Variants in NOX4 observed in about 807,000 individuals in gnomAD.
NOX4 encodes the protein kidney oxidase-1.
Under a neutral mutation model 87.6 loss-of-function variants are expected in NOX4, and 69 were observed. That is an observed-to-expected ratio of 0.79 (90% CI 0.65 to 0.96). NOX4 has a LOEUF of 0.96. Ranked by LOEUF, NOX4 falls within the 40% of genes least tolerant of loss-of-function variation. The pLI, the probability that NOX4 is intolerant of heterozygous loss-of-function variation, is 0.00. For synonymous variants in NOX4, 275 were observed against 238.2 expected (o/e 1.15, Z -1.42); for missense variants, 680 against 681.5 (o/e 1.00, Z 0.02).
intron 2 of NOX4, among the ~76,000 whole-genome samples, chr11:89,454,512 A>G (rs1945102423): frequency 6.6e-6 from 1 of 152,120 alleles, no homozygotes; most frequent in South Asian, 2.1e-4. Flanking sequence ...GAACACCACT[A>G]CCTAAGACTA....
At chr11:89,365,982 C>T (rs1459630059) in intron 12 of NOX4, among the ~76,000 whole-genome samples, 1 of 151,942 alleles carries the variant, frequency 6.6e-6, no homozygotes, top group Non-Finnish European at 1.5e-5. Context: ...AAATGATTAG[C>T]AAGTGTATCA....
At chr11:89,356,605 C>A (rs1307089455) in intron 12 of NOX4, among the ~76,000 whole-genome samples, 1 of 152,104 alleles carries the variant, frequency 6.6e-6, no homozygotes, top group Admixed American at 6.6e-5. Context: ...TTCTCTCCTC[C>A]TGCCCAATTT....
chr11:89,560,961 CGT>C, the NOX4 span, among the ~76,000 whole-genome samples: 5,719 of 52,236 alleles, frequency 0.11, 611 homozygotes, highest in African/African-American at 0.13. Flanking sequence ...CATCTCATCT[CGT>C]CTCTCTCTCT....
At chr11:89,506,298 A>C in the NOX4 span, among the ~76,000 whole-genome samples, 1 of 10,916 alleles carries the variant, frequency 9.2e-5, no homozygotes, top group African/African-American at 2.7e-4. Context: ...AAAGAAAGAA[A>C]GAAAGAGAGA....
the NOX4 span, among the ~76,000 whole-genome samples, chr11:89,520,848 C>A: frequency 6.6e-6 from 1 of 152,166 alleles, no homozygotes; most frequent in Non-Finnish European, 1.5e-5. Flanking sequence ...AGTAAAGTTT[C>A]AGGATACAAA....
At chr11:89,383,956 CA>C (rs1406410050) in intron 11 of NOX4, among the ~76,000 whole-genome samples, 2 of 152,048 alleles carry the variant, frequency 1.3e-5, no homozygotes, top group Non-Finnish European at 2.9e-5. Flanking sequence ...ACCTTTAACC[CA>C]CTCAACACCA....
chr11:89,474,637 A>G (rs887713845), intron 2 of NOX4, among the ~76,000 whole-genome samples: 6 of 152,072 alleles, frequency 3.9e-5, no homozygotes, highest in African/African-American at 7.2e-5. Flanking sequence ...TAATATGCAC[A>G]TGTATATATG....
intron 12 of NOX4, among the ~76,000 whole-genome samples, chr11:89,356,290 A>G (rs1272162083): frequency 6.6e-6 from 1 of 152,134 alleles, no homozygotes; most frequent in Non-Finnish European, 1.5e-5. Flanking sequence ...TGAATAAATA[A>G]ATAAGTGAAT....
intron 2 of NOX4, among the ~76,000 whole-genome samples, chr11:89,483,654 AT>A (rs1946480718): frequency 7.1e-6 from 1 of 140,242 alleles, no homozygotes; most frequent in African/African-American, 3.0e-5. Flanking sequence ...AAAATTTCAG[AT>A]AGACAGGAAG....
chr11:89,344,839 G>A (rs1402248433), intron 13 of NOX4, among the ~76,000 whole-genome samples: 1 of 152,108 alleles, frequency 6.6e-6, no homozygotes, highest in Non-Finnish European at 1.5e-5. Flanking sequence ...TAACTCCAAA[G>A]CTTAGTTTGT....
intron 12 of NOX4, among the ~76,000 whole-genome samples, chr11:89,368,284 T>C (rs190853618): frequency 3.3e-5 from 5 of 152,258 alleles, no homozygotes; most frequent in South Asian, 2.1e-4. Context: ...AAATGTTTAA[T>C]AGCCAGGTCT....
intron 7 of NOX4, among the ~76,000 whole-genome samples, chr11:89,428,550 G>A (rs1053093251): frequency 2.3e-4 from 35 of 151,854 alleles, no homozygotes; most frequent in Non-Finnish European, 4.0e-4. Flanking sequence ...ACAAAAAAAG[G>A]CAGGGGTTGC....
chr11:89,564,059 G>A, the NOX4 span, among the ~76,000 whole-genome samples: 10 of 152,150 alleles, frequency 6.6e-5, no homozygotes, highest in African/African-American at 9.7e-5. Context: ...TGGCTTTGTG[G>A]TTGGGGAGGA....
chr11:89,425,643 A>C (rs1943354437), intron 7 of NOX4, among the ~76,000 whole-genome samples: 1 of 152,026 alleles, frequency 6.6e-6, no homozygotes, highest in African/African-American at 2.4e-5. Flanking sequence ...ATAAGAGAGA[A>C]AAAATGATTT....
the NOX4 span, among the ~76,000 whole-genome samples, chr11:89,551,246 C>T: frequency 0.036 from 5,496 of 152,260 alleles, 145 homozygotes; most frequent in Non-Finnish European, 0.052. Context: ...ATGCCTCCAA[C>T]TTCATTCTTT....
At chr11:89,334,734 A>G (rs1038954594) in intron 17 of NOX4, among the ~76,000 whole-genome samples, 1 of 151,756 alleles carries the variant, frequency 6.6e-6, no homozygotes, top group Non-Finnish European at 1.5e-5. Flanking sequence ...TCAAGCCAGA[A>G]GTAAAAATTA....
intron 6 of NOX4, 70 bp from the exon 7 acceptor site, chr11:89,432,926 T>A (rs1014863174): frequency 4.3e-5 from 44 of 1,032,586 alleles, no homozygotes; most frequent in African/African-American, 6.4e-5. Flanking sequence ...AATGATTATA[T>A]TAGAATCCGA....
At position 89,429,797 on chromosome 11, in the gene NOX4, C is replaced by G. The variant is rs925965264; in HGVS notation, c.548+2987G>C. Among the ~76,000 whole-genome samples the G allele has an allele frequency of 5.3e-5, 8 of 152,266 alleles. No individual in the cohort carries two copies. The South Asian group carries it at 8.3e-4, about 16-fold the overall frequency. On this transcript the variant is annotated intron_variant, in intron 7 of 17. Coordinates refer to ENST00000263317, the MANE Select transcript of NOX4 (RefSeq NM_016931.5). ...GGTACAAGGAGGAGCTCATACCATT[C>G]CTTCTGAAACTATTCCAATCAATAG...
chr11:89,527,328 C>G, the NOX4 span, among the ~76,000 whole-genome samples: 445 of 152,252 alleles, frequency 2.9e-3, 8 homozygotes, highest in East Asian at 5.4e-3. Flanking sequence ...TGCCACCTAG[C>G]AATGCAATAG....
Sources: allele counts gnomAD v4.1 joint callset (sites outside exome capture counted in the v4.1 genomes callset), GRCh38; gene constraint gnomAD v4.1.1; transcripts MANE v1.5; gene names NCBI Gene and HGNC (gene_info 2026-07-23, HGNC 2026-07-21).